Variants in ATG4A observed in about 807,000 individuals in gnomAD.
The protein encoded by ATG4A is cysteine protease ATG4A.
A neutral mutation model predicts 38.4 loss-of-function variants in ATG4A; 22 were observed. The ratio of observed to expected loss-of-function variants is 0.57; its 90% CI spans 0.41 to 0.82. ATG4A has a LOEUF of 0.82. Ranked by LOEUF, ATG4A falls within the 40% of genes least tolerant of loss-of-function variation. The pLI, the probability that ATG4A is intolerant of heterozygous loss-of-function variation, is 0.00. For synonymous variants in ATG4A, 86 were observed against 100.7 expected (o/e 0.85, Z 0.88); for missense variants, 220 against 290.0 (o/e 0.76, Z 1.75).
chrX:108,091,615 C>T (rs374280845), upstream of ATG4A: 33 of 943,582 alleles, frequency 3.5e-5, no homozygotes, highest in African/African-American at 3.1e-4. Flanking sequence ...AGAGCTTCAC[C>T]AATCACCGGC....
At chrX:108,100,248 A>G (rs1260588846) in intron 1 of ATG4A, among the ~76,000 whole-genome samples, 1 of 112,031 alleles carries the variant, frequency 8.9e-6, no homozygotes, top group Non-Finnish European at 1.9e-5. Flanking sequence ...TTTGGTTTCC[A>G]TGTATTCATT....
At chrX:108,102,513 T>G (rs191514471) in intron 1 of ATG4A, among the ~76,000 whole-genome samples, 9 of 112,069 alleles carry the variant, frequency 8.0e-5, no homozygotes, top group Admixed American at 5.7e-4. Context: ...CATTCTGTTG[T>G]TTCCTTTGCT....
intron 1 of ATG4A, among the ~76,000 whole-genome samples, chrX:108,106,079 ATC>A (rs2032162743): frequency 9.0e-6 from 1 of 111,663 alleles, no homozygotes; most frequent in Admixed American, 9.5e-5. Flanking sequence ...CTATTCTGCC[ATC>A]TTGCTCCTAT....
chrX:108,117,453 A>T (rs2147984550), intron 1 of ATG4A, among the ~76,000 whole-genome samples: 1 of 112,220 alleles, frequency 8.9e-6, no homozygotes, highest in South Asian at 3.8e-4. Context: ...ATTCATCAAG[A>T]AAGGAGCATT....
At chrX:108,091,570 C>T (rs779327480), upstream of ATG4A, 2 of 1,114,464 alleles carry the variant, frequency 1.8e-6, no homozygotes, top group East Asian at 3.0e-5. Context: ...CGCCTCACGT[C>T]GCCGGCTCCG....
intron 2 of ATG4A, chrX:108,126,883 G>C: frequency 6.3e-6 from 4 of 631,634 alleles, no homozygotes; most frequent in Non-Finnish European, 9.1e-6. Flanking sequence ...TCTGAGATTT[G>C]TGTCTTTCTG....
At chrX:108,089,664 C>T (rs1284521819), upstream of ATG4A, among the ~76,000 whole-genome samples, 2 of 109,932 alleles carry the variant, frequency 1.8e-5, no homozygotes, top group Admixed American at 1.9e-4. Context: ...GAAACTCCGT[C>T]TCTACTAAAA....
At chrX:108,147,597 A>G (rs749617776) in intron 9 of ATG4A, among the ~76,000 whole-genome samples, 6 of 111,471 alleles carry the variant, frequency 5.4e-5, no homozygotes, top group South Asian at 3.8e-4. Flanking sequence ...TTTAGGTTCA[A>G]TATCTGCTTC....
intron 3 of ATG4A, 71 bp downstream of exon 3, chrX:108,128,923 A>C: frequency 1.4e-6 from 1 of 710,072 alleles, no homozygotes; most frequent in East Asian, 3.5e-5. Context: ...CAGTGACTTC[A>C]TAGAAACCTC....
intron 1 of ATG4A, among the ~76,000 whole-genome samples, chrX:108,121,431 C>T (rs1040230778): frequency 4.5e-5 from 5 of 111,199 alleles, no homozygotes; most frequent in Non-Finnish European, 9.4e-5. Flanking sequence ...CCCTACCCAC[C>T]CCCATGGTTT....
At chrX:108,094,780 T>C (rs1337283180) in intron 1 of ATG4A, among the ~76,000 whole-genome samples, 1 of 112,254 alleles carries the variant, frequency 8.9e-6, no homozygotes, top group Non-Finnish European at 1.9e-5. Context: ...TCACTTCCAA[T>C]TGAAAGTTTG....
At chrX:108,096,460 T>C (rs2031821324) in intron 1 of ATG4A, among the ~76,000 whole-genome samples, 1 of 111,655 alleles carries the variant, frequency 9.0e-6, no homozygotes, top group African/African-American at 3.3e-5. Context: ...TAAATACTTC[T>C]CTAGTTGATT....
At chrX:108,145,319 C>T (rs954309086) in intron 9 of ATG4A, among the ~76,000 whole-genome samples, 3 of 112,377 alleles carry the variant, frequency 2.7e-5, no homozygotes, top group Non-Finnish European at 5.6e-5. Flanking sequence ...GTTCATATGC[C>T]CCTGAGGTAG....
rs764575541 is a variant in ATG4A at position 108,128,794 on chromosome X, G to A, written c.135G>A (p.Leu45=). 2.6e-6 allele frequency: 3 copies of A among 1,173,558 alleles called. No homozygotes were observed. The African/African-American group carries it at 5.4e-5, about 21-fold the overall frequency. Residue 45 remains leucine, a synonymous_variant, in exon 3 of 13, where the codon CTG becomes CTA. Coordinates refer to ENST00000372232, the MANE Select transcript of ATG4A (RefSeq NM_052936.5). ...ATTTAATTACAGAAAAATCTAAGCT[G>A]TTGTCTGATATAAGTGCTCGTCTAT... ...QHLLKTEKSK[L]LSDISARLWF... is the part of the protein sequence containing the mutation.
intron 3 of ATG4A, among the ~76,000 whole-genome samples, chrX:108,130,406 C>T (rs943501807): frequency 1.3e-4 from 15 of 112,495 alleles, no homozygotes; most frequent in African/African-American, 4.8e-4. Context: ...ACCCTGGCCT[C>T]AAATGTGGGA....
intron 1 of ATG4A, among the ~76,000 whole-genome samples, chrX:108,124,174 GCCTGGTATTT>G (rs1280444536): frequency 1.8e-5 from 2 of 112,079 alleles, no homozygotes; most frequent in African/African-American, 6.5e-5. Flanking sequence ...ATCATTTTTA[GCCTGGTATTT>G]CCTGGGCATG....
At chrX:108,107,896 C>A (rs537634689) in intron 1 of ATG4A, among the ~76,000 whole-genome samples, 1 of 111,249 alleles carries the variant, frequency 9.0e-6, no homozygotes, top group Admixed American at 9.5e-5. Context: ...TACTGCCTGG[C>A]AAGGATGAAA....
chrX:108,120,034 A>G (rs2032610773), intron 1 of ATG4A, among the ~76,000 whole-genome samples: 1 of 111,954 alleles, frequency 8.9e-6, no homozygotes, highest in Admixed American at 9.5e-5. Flanking sequence ...CTTTCCTCCA[A>G]TTTCCCAGTA....
At chrX:108,089,970 A>C (rs1383401068), upstream of ATG4A, among the ~76,000 whole-genome samples, 1 of 112,581 alleles carries the variant, frequency 8.9e-6, no homozygotes, top group South Asian at 3.6e-4. Context: ...AAACTCTATT[A>C]CAAAAAAATT....
Sources: gnomAD v4.1 joint callset for allele counts (sites outside exome capture counted in the v4.1 genomes callset) on GRCh38, gnomAD v4.1.1 for gene constraint, MANE v1.5 for transcripts, NCBI Gene and HGNC (gene_info 2026-07-23, HGNC 2026-07-21) for gene names.